The following GSE1 variants were observed in gnomAD, a reference collection of about 807,000 sequenced individuals.
GSE1 encodes the protein Gse1 coiled-coil protein, also known as genetic suppressor element 1.
Under a neutral mutation model 112.6 loss-of-function variants are expected in GSE1, and 32 were observed. The observed-to-expected ratio is 0.28, with a 90% CI of 0.21 to 0.38. The LOEUF is 0.38. Among genes scored for constraint, GSE1 ranks in the 10% least tolerant of loss-of-function variants. The pLI, the probability that GSE1 is intolerant of heterozygous loss-of-function variation, is 1.00. For missense variants in GSE1, 2,348 were observed against 1,699.2 expected (o/e 1.38, Z -6.71); for synonymous variants, 1,115 against 735.6 (o/e 1.52, Z -8.35).
intron 3 of GSE1, among the ~76,000 whole-genome samples, chr16:85,652,799 C>T (rs1207517900): frequency 1.3e-5 from 2 of 152,160 alleles, no homozygotes; most frequent in African/African-American, 4.8e-5. Context: ...GCCCCTGGGC[C>T]ATCATTCCTG....
intron 1 of GSE1, among the ~76,000 whole-genome samples, chr16:85,572,315 A>T (rs1161188500): frequency 7.1e-6 from 1 of 140,480 alleles, no homozygotes; most frequent in African/African-American, 2.9e-5. Context: ...CACATACCAC[A>T]CAACACACCA....
At chr16:85,651,605 G>A (rs2051363153) in intron 3 of GSE1, among the ~76,000 whole-genome samples, 1 of 152,210 alleles carries the variant, frequency 6.6e-6, no homozygotes, top group Non-Finnish European at 1.5e-5. Flanking sequence ...CGGGCAGCAT[G>A]CGGAGGAGGG....
Position 85,589,699 on chromosome 16 carries a change from TTG to T in GSE1, c.37+33347_37+33348del, listed in dbSNP as rs150693269. ...GTGTATGGAATGTGAACGTGAGATA[TTG>T]TGTGTGTGTGAACGTGTGAATGTGA... On this transcript the variant is annotated intron_variant, in intron 1 of 2. Transcript: ENST00000635906. 2.9e-3 allele frequency among the ~76,000 whole-genome samples: 434 copies of T among 152,094 alleles called. 7 individuals carry two copies. The East Asian group carries it at 0.049, about 17-fold the overall frequency.
At chr16:85,496,962 T>C (rs960854113) in intron 2 of GSE1, among the ~76,000 whole-genome samples, 2 of 151,934 alleles carry the variant, frequency 1.3e-5, no homozygotes, top group African/African-American at 4.8e-5. Context: ...GCAGTGGCTC[T>C]ATCTCGGCTC....
intron 2 of GSE1, among the ~76,000 whole-genome samples, chr16:85,469,833 C>G (rs1382035631): frequency 1.3e-5 from 2 of 152,370 alleles, no homozygotes; most frequent in East Asian, 3.9e-4. Context: ...AAGCGGGTCC[C>G]CTAACCTCAG....
At chr16:85,173,242 A>G (rs1165070669) in intron 1 of GSE1, among the ~76,000 whole-genome samples, 1 of 152,230 alleles carries the variant, frequency 6.6e-6, no homozygotes. Context: ...TAGATGAGTC[A>G]ACCAAGACTC....
intron 1 of GSE1, among the ~76,000 whole-genome samples, chr16:85,189,464 A>T (rs551148322): frequency 2.0e-5 from 3 of 152,342 alleles, no homozygotes; most frequent in Admixed American, 1.3e-4. Context: ...ACTTGGCAAA[A>T]TCACAGCTGG....
chr16:85,257,876 C>T (rs1046133565), intron 1 of GSE1, among the ~76,000 whole-genome samples: 1 of 152,242 alleles, frequency 6.6e-6, no homozygotes, highest in Middle Eastern at 3.2e-3. Context: ...ATCTGGGACG[C>T]TCTGTCATCA....
chr16:85,488,624 A>C (rs529756569), intron 2 of GSE1, among the ~76,000 whole-genome samples: 20 of 152,150 alleles, frequency 1.3e-4, no homozygotes, highest in Middle Eastern at 3.4e-3. Context: ...ACAAGAGAGG[A>C]AGTTCAAGGT....
At position 85,666,365 on chromosome 16, in the gene GSE1, C is replaced by T; in HGVS notation, c.3130+18C>T. The T allele has an allele frequency of 6.2e-7, 1 of 1,612,828 alleles. No individual in the cohort carries two copies. Among genetic ancestry groups the T allele is most frequent in the Non-Finnish European group, 8.5e-7 (1 of 1,179,876 alleles). The stretch of plus-strand genomic sequence containing the variant: ...GCATAAAGGTAATGAGGCTGCCAGT[C>T]CCTGCTCAGCTCTCGGCTGTGGTTG... On this transcript the variant is annotated intron_variant, in intron 13 of 15. Coordinates refer to ENST00000253458, the MANE Select transcript of GSE1 (RefSeq NM_014615.5).
chr16:85,437,195 C>T (rs1457269324), intron 2 of GSE1, among the ~76,000 whole-genome samples: 4 of 152,270 alleles, frequency 2.6e-5, no homozygotes, highest in Admixed American at 2.0e-4. Context: ...TCCCTCCCTG[C>T]GGACGCCTCC....
chr16:85,382,947 A>ATGCACACACG (rs1006789678), intron 2 of GSE1, among the ~76,000 whole-genome samples: 31 of 151,312 alleles, frequency 2.0e-4, no homozygotes, highest in Admixed American at 8.5e-4. Context: ...ACACGTACAC[A>ATGCACACACG]TGCACACACG....
chr16:85,666,632 G>C, intron 13 of GSE1: 1 of 432,636 alleles, frequency 2.3e-6, no homozygotes, highest in Non-Finnish European at 4.2e-6. Context: ...AGTGAACGCC[G>C]ACAGGCATTG....
At chr16:85,493,214 C>G (rs1215854439) in intron 2 of GSE1, among the ~76,000 whole-genome samples, 1 of 152,206 alleles carries the variant, frequency 6.6e-6, no homozygotes, top group Non-Finnish European at 1.5e-5. Context: ...TCTGTATTAG[C>G]TGAGGCAGGG....
intron 1 of GSE1, among the ~76,000 whole-genome samples, chr16:85,238,970 C>T (rs1009928792): frequency 6.6e-6 from 1 of 152,112 alleles, no homozygotes; most frequent in Non-Finnish European, 1.5e-5. Context: ...CGTTCTTGCT[C>T]ACACTGGAGT....
chr16:85,305,474 TTTTTTG>T (rs1176507614), intron 1 of GSE1, among the ~76,000 whole-genome samples: 1 of 149,756 alleles, frequency 6.7e-6, no homozygotes, highest in African/African-American at 2.5e-5. Context: ...TTGTTTTTTT[TTTTTTG>T]TTTGTTTGTT....
chr16:85,233,877 G>A (rs1904334148), intron 1 of GSE1, among the ~76,000 whole-genome samples: 1 of 152,046 alleles, frequency 6.6e-6, no homozygotes, highest in African/African-American at 2.4e-5. Flanking sequence ...AGCCGACACA[G>A]GTTTGTTCTG....
chr16:85,453,627 G>A (rs1164835400), intron 2 of GSE1, among the ~76,000 whole-genome samples: 1 of 152,128 alleles, frequency 6.6e-6, no homozygotes, highest in African/African-American at 2.4e-5. Context: ...CACCCCATGA[G>A]ACCAGGCTCA....
At chr16:85,636,173 C>T (rs1340181540) in intron 2 of GSE1, among the ~76,000 whole-genome samples, 1 of 152,228 alleles carries the variant, frequency 6.6e-6, no homozygotes, top group Non-Finnish European at 1.5e-5. Context: ...TGGATGCCCC[C>T]CAGGAAAGAT....
Sources: allele counts gnomAD v4.1 joint callset (sites outside exome capture counted in the v4.1 genomes callset), GRCh38; gene constraint gnomAD v4.1.1; transcripts MANE v1.5; gene names NCBI Gene and HGNC (gene_info 2026-07-23, HGNC 2026-07-21).